CTNNBIP1: variants seen among roughly 807,000 people sequenced by gnomAD.
The protein encoded by CTNNBIP1 is beta-catenin-interacting protein 1.
Under a neutral mutation model 11.8 loss-of-function variants are expected in CTNNBIP1, and 7 were observed. The ratio of observed to expected loss-of-function variants is 0.60; its 90% CI spans 0.34 to 1.12. The LOEUF is 1.12. Among genes scored for constraint, CTNNBIP1 ranks in the 50% most tolerant of loss-of-function variants. The pLI is 0.03. For synonymous variants in CTNNBIP1, 58 were observed against 43.9 expected (o/e 1.32, Z -1.26); for missense variants, 101 against 113.4 (o/e 0.89, Z 0.50).
In CTNNBIP1 at chr1:9,881,945, C is replaced by T. The variant is rs114005393; in HGVS notation, c.-110+1760G>A. ...AACACAAGGCAAAGAGAAAACCACA[C>T]AAATAATACATGATAATGAGCCAAA... On this transcript the variant is annotated intron_variant, in intron 2 of 5. Transcript: ENST00000377263. 1.3e-4 allele frequency among the ~76,000 whole-genome samples: 20 copies of T among 152,284 alleles called. No homozygotes were observed. In the East Asian group the frequency reaches 3.9e-3, roughly 29 times the overall value.
intron 2 of CTNNBIP1, among the ~76,000 whole-genome samples, chr1:9,878,858 G>C (rs1639024832): frequency 6.6e-6 from 1 of 152,186 alleles, no homozygotes; most frequent in Admixed American, 6.5e-5. Context: ...TGAGGGCACA[G>C]GTCTGTGGTT....
At chr1:9,873,656 C>G (rs1638909388) in intron 3 of CTNNBIP1, among the ~76,000 whole-genome samples, 1 of 152,210 alleles carries the variant, frequency 6.6e-6, no homozygotes, top group Non-Finnish European at 1.5e-5. Context: ...CCACCTGGAT[C>G]TGGGTTACTA....
intron 2 of CTNNBIP1, among the ~76,000 whole-genome samples, chr1:9,882,232 A>C (rs1639097607): frequency 6.6e-6 from 1 of 152,238 alleles, no homozygotes; most frequent in South Asian, 2.1e-4. Flanking sequence ...CACAAGACAC[A>C]GAAGTTCAGC....
In CTNNBIP1 at chr1:9,883,803, G is replaced by C. The variant is rs1639130735; in HGVS notation, c.-143-65C>G. 1 of 153,280 alleles carries C rather than the reference G, an allele frequency of 6.5e-6. No homozygotes were observed. The highest frequency in any genetic ancestry group is 1.5e-5 in the Non-Finnish European group (1 of 68,376). 9.5% of individuals were successfully genotyped at this position (153,280 alleles called of 1,614,324 possible). On this transcript the variant is annotated intron_variant, in intron 1 of 5. Coordinates refer to ENST00000377263, the MANE Select transcript of CTNNBIP1 (RefSeq NM_020248.3). The surrounding 1 kb of genome is among the most constrained non-coding windows in gnomAD (Gnocchi z 5.6). ...TTCCCAGGTGCCCTGGCCCCCACTT[G>C]CTCTGCCTGAGAGCTGTGCTCAGCC...
At chr1:9,886,303 G>A (rs1230877932) in intron 1 of CTNNBIP1, among the ~76,000 whole-genome samples, 3 of 152,134 alleles carry the variant, frequency 2.0e-5, no homozygotes, top group Non-Finnish European at 4.4e-5. Flanking sequence ...TCTGCTGGAG[G>A]GCTGTCTGCA....
chr1:9,896,623 A>C (rs1639413465), intron 1 of CTNNBIP1, among the ~76,000 whole-genome samples: 1 of 151,202 alleles, frequency 6.6e-6, no homozygotes, highest in African/African-American at 2.4e-5. Flanking sequence ...TCACAAGGTC[A>C]GGAGTTCAAG....
At chr1:9,877,881 G>T (rs186553906) in intron 3 of CTNNBIP1, 24 bp downstream of exon 3, 1 of 152,874 alleles carries the variant, frequency 6.5e-6, no homozygotes, top group Non-Finnish European at 1.5e-5. Context: ...CCACATTACA[G>T]AGTCCTTCCC....
chr1:9,874,166 T>C (rs1157050144), intron 3 of CTNNBIP1, among the ~76,000 whole-genome samples: 4 of 152,280 alleles, frequency 2.6e-5, no homozygotes, highest in African/African-American at 4.8e-5. Context: ...TTCTAGAACA[T>C]GCGGAGAAGC....
In CTNNBIP1 at chr1:9,872,025, TCTC is replaced by T. The variant is rs761263667; in HGVS notation, c.37_39del (p.Glu13del). On this transcript the variant is annotated inframe_deletion, in exon 4 of 6. Coordinates refer to ENST00000377263, the MANE Select transcript of CTNNBIP1 (RefSeq NM_020248.3). This position sits in a 1 kb window ranked among gnomAD's most constrained non-coding sequence, Gnocchi z 4.0. ...ACTCGGACCTTCTGCTGAATGTACA[TCTC>T]CTCCGGACTCTTCCCGGGAGCTCCC... is the stretch of plus-strand genomic sequence containing the variant. 1 of 1,614,148 alleles carries T rather than the reference TCTC, an allele frequency of 6.2e-7. No individual in the cohort carries two copies. The highest frequency in any genetic ancestry group is 1.1e-5 in the South Asian group (1 of 91,090).
Position 9,877,651 on chromosome 1 carries a change from T to G in CTNNBIP1, c.-25+254A>C, listed in dbSNP as rs1281761815. On this transcript the variant is annotated intron_variant, in intron 3 of 5. Coordinates refer to ENST00000377263, the MANE Select transcript of CTNNBIP1 (RefSeq NM_020248.3). ...AAATACAATGCCATAGAATTGGTGG[T>G]TCCTAGAGCTTATATGAAATATTAT... 2.0e-5 allele frequency among the ~76,000 whole-genome samples: 3 copies of G among 152,268 alleles called. No homozygotes were observed. In the East Asian group the frequency reaches 5.8e-4, roughly 29 times the overall value.
intron 1 of CTNNBIP1, among the ~76,000 whole-genome samples, chr1:9,891,602 C>T (rs1639301263): frequency 6.6e-6 from 1 of 152,000 alleles, no homozygotes; most frequent in Non-Finnish European, 1.5e-5. Context: ...GCTGAGAGAC[C>T]CCAGGTGCAG....
In CTNNBIP1 at chr1:9,871,022, C is replaced by A. The variant is rs1638848888; in HGVS notation, c.187+165G>T. Among the ~76,000 whole-genome samples, 1 of 152,166 alleles carries A rather than the reference C, an allele frequency of 6.6e-6. No individual in the cohort carries two copies. Among genetic ancestry groups the A allele is most frequent in the Non-Finnish European group, 1.5e-5 (1 of 68,016 alleles). On this transcript the variant is annotated intron_variant, in intron 5 of 5. Transcript: ENST00000377263. This position sits in a 1 kb window ranked among gnomAD's most constrained non-coding sequence, Gnocchi z 5.2. ...ATCAGGTGGGAGGCTCCGAAGGTTT[C>A]CTGGCTCAGCTCTGTGGGTGGAGAG... is the stretch of plus-strand genomic sequence containing the variant.
At chr1:9,861,977 C>T (rs1570564230) in intron 5 of CTNNBIP1, among the ~76,000 whole-genome samples, 1 of 152,198 alleles carries the variant, frequency 6.6e-6, no homozygotes, top group Non-Finnish European at 1.5e-5. Flanking sequence ...CTTGGGGCTC[C>T]GTTATCCCTG....
chr1:9,869,887 C>T (rs1489366877), intron 5 of CTNNBIP1, among the ~76,000 whole-genome samples: 3 of 152,296 alleles, frequency 2.0e-5, no homozygotes, highest in South Asian at 4.1e-4. Flanking sequence ...GAGACCTCAC[C>T]CAAGAGATCC....
chr1:9,896,915 C>T (rs1023668863), intron 1 of CTNNBIP1, among the ~76,000 whole-genome samples: 3 of 149,670 alleles, frequency 2.0e-5, no homozygotes, highest in East Asian at 2.0e-4. Flanking sequence ...TGCAGTGAGC[C>T]GAGATCGTGC....
intron 5 of CTNNBIP1, among the ~76,000 whole-genome samples, chr1:9,852,282 A>T (rs1638407360): frequency 6.6e-6 from 1 of 152,180 alleles, no homozygotes; most frequent in Non-Finnish European, 1.5e-5. Context: ...GCCCAACTAC[A>T]AGGATGCAAT....
At chr1:9,898,132 A>C (rs1395930682) in intron 1 of CTNNBIP1, among the ~76,000 whole-genome samples, 1 of 151,660 alleles carries the variant, frequency 6.6e-6, no homozygotes, top group African/African-American at 2.4e-5. Context: ...AAAAAAAATA[A>C]ATAAAATTAA....
rs1005538018 is a variant in CTNNBIP1, at chr1:9,848,958, G to C, written c.*1760C>G. The C allele has an allele frequency of 5.9e-5, 9 of 152,234 alleles. No homozygotes were observed. The highest frequency in any genetic ancestry group is 1.7e-4 in the African/African-American group (7 of 41,450). 9.4% of individuals were successfully genotyped at this position (152,234 alleles called of 1,614,324 possible). A position where few individuals can be genotyped will look rare whatever the true frequency, so the allele number is the denominator to read the frequency against. On this transcript the variant is annotated 3_prime_UTR_variant, in exon 6 of 6. Transcript: ENST00000377263. The surrounding 1 kb of genome is among the most constrained non-coding windows in gnomAD (Gnocchi z 4.3). ...CTTCATGACACTCAGGAGCCCCTAC[G>C]GCCCGAGCCCCAAGCCCCGAGAAAG... is the stretch of plus-strand genomic sequence containing the variant.
intron 3 of CTNNBIP1, among the ~76,000 whole-genome samples, chr1:9,875,483 TC>T (rs985737059): frequency 6.6e-6 from 1 of 152,220 alleles, no homozygotes; most frequent in Non-Finnish European, 1.5e-5. Flanking sequence ...CGCCCCGTCT[TC>T]CCGGCTGGTG....
Sources: allele counts gnomAD v4.1 joint callset (sites outside exome capture counted in the v4.1 genomes callset), GRCh38; gene constraint gnomAD v4.1.1; non-coding constraint Gnocchi (gnomAD v3.1); transcripts MANE v1.5; gene names NCBI Gene and HGNC (gene_info 2026-07-23, HGNC 2026-07-21).